Variants in COL13A1 observed in about 807,000 individuals in gnomAD.
The protein encoded by COL13A1 is collagen alpha-1(XIII) chain.
COL13A1 carries 89 observed loss-of-function variants against 130.9 expected under a neutral mutation model. The ratio of observed to expected loss-of-function variants is 0.68; its 90% CI spans 0.57 to 0.81. The LOEUF is 0.81. Ranked by LOEUF, COL13A1 falls within the 30% of genes least tolerant of loss-of-function variation. COL13A1 has a pLI of 0.00. For missense variants in COL13A1, 879 were observed against 934.6 expected (o/e 0.94, Z 0.78); for synonymous variants, 402 against 341.6 (o/e 1.18, Z -1.95).
rs1565076247 is a variant in COL13A1, at chr10:69,923,796, C to T, written c.1231-6C>T. ...GCCCTCATCCCAACTCTCTCCTCTT[C>T]CCCAGGGAGAAGCAGGTGTCGATGG... On this transcript the variant is annotated splice_polypyrimidine_tract_variant and splice_region_variant and intron_variant, in intron 23 of 40. Transcript: ENST00000645393. 6.2e-7 allele frequency: 1 copy of T among 1,609,084 alleles called. No homozygotes were observed. Among genetic ancestry groups the T allele is most frequent in the Non-Finnish European group, 8.5e-7 (1 of 1,178,058 alleles).
chr10:69,905,225 C>T lies in COL13A1; in HGVS notation c.885+266C>T, dbSNP rs151329971. On this transcript the variant is annotated intron_variant, in intron 16 of 40. Coordinates refer to ENST00000645393, the MANE Select transcript of COL13A1 (RefSeq NM_001368882.1). ...ACAGTCCACCCTCTAAGGAGTATAG[C>T]GTCTAGCTGGAAACTCTAAGCTCAT... 2.2e-4 allele frequency among the ~76,000 whole-genome samples: 34 copies of T among 152,318 alleles called. No individual in the cohort carries two copies. In the East Asian group the frequency reaches 4.2e-3, roughly 19 times the overall value.
chr10:69,853,909 G>A (rs1014711913), intron 2 of COL13A1, among the ~76,000 whole-genome samples: 13 of 152,176 alleles, frequency 8.5e-5, no homozygotes, highest in African/African-American at 2.9e-4. Context: ...GTGGGCATGG[G>A]GGATTATGGA....
chr10:69,821,730 T>C (rs1332458622), intron 1 of COL13A1, among the ~76,000 whole-genome samples: 1 of 152,208 alleles, frequency 6.6e-6, no homozygotes, highest in Non-Finnish European at 1.5e-5. Flanking sequence ...AGGGGAATCC[T>C]GCATGCATGG....
intron 2 of COL13A1, among the ~76,000 whole-genome samples, chr10:69,831,054 C>A (rs1303963908): frequency 6.6e-6 from 1 of 152,108 alleles, no homozygotes; most frequent in East Asian, 1.9e-4. Context: ...GCTTTTAAGC[C>A]TCTCTGAATG....
At chr10:69,823,269 C>T (rs1273217151) in intron 2 of COL13A1, among the ~76,000 whole-genome samples, 1 of 152,182 alleles carries the variant, frequency 6.6e-6, no homozygotes, top group African/African-American at 2.4e-5. Flanking sequence ...GTGCCTGTTA[C>T]TTTTCTAGGT....
intron 2 of COL13A1, among the ~76,000 whole-genome samples, chr10:69,862,643 A>C (rs149423440): frequency 6.6e-6 from 1 of 152,244 alleles, no homozygotes; most frequent in East Asian, 1.9e-4. Flanking sequence ...CTGCTCTTTG[A>C]GGCAGAGGCT....
chr10:69,852,239 A>G (rs1855074958), intron 2 of COL13A1, among the ~76,000 whole-genome samples: 1 of 152,178 alleles, frequency 6.6e-6, no homozygotes, highest in African/African-American at 2.4e-5. Flanking sequence ...AACTTCTCAT[A>G]GCAGTCATCA....
At chr10:69,832,282 C>A (rs1024492971) in intron 2 of COL13A1, among the ~76,000 whole-genome samples, 7 of 152,176 alleles carry the variant, frequency 4.6e-5, no homozygotes, top group African/African-American at 7.2e-5. Context: ...GAAAGGTATA[C>A]CCACCCTTAA....
chr10:69,875,078 C>A, intron 4 of COL13A1, 50 bp from the exon 5 acceptor site: 1 of 1,613,314 alleles, frequency 6.2e-7, no homozygotes, highest in Non-Finnish European at 8.5e-7. Context: ...CCTTCACATG[C>A]TAGCCTGGTT....
chr10:69,888,807 T>G (rs1057491099), intron 9 of COL13A1, among the ~76,000 whole-genome samples: 1 of 151,972 alleles, frequency 6.6e-6, no homozygotes, highest in East Asian at 1.9e-4. Flanking sequence ...CCACCATAGC[T>G]CCTCTCTTCG....
chr10:69,938,209 C>T (rs938979681), intron 34 of COL13A1, among the ~76,000 whole-genome samples: 5 of 152,188 alleles, frequency 3.3e-5, no homozygotes, highest in African/African-American at 1.2e-4. Flanking sequence ...CCGTTCATCT[C>T]CTGGGTTCGT....
chr10:69,831,278 G>A (rs55642895), intron 2 of COL13A1, among the ~76,000 whole-genome samples: 6,722 of 152,262 alleles, frequency 0.044, 197 homozygotes, highest in Non-Finnish European at 0.066. Flanking sequence ...AACCCTGCCA[G>A]GACCCAGACC....
chr10:69,917,449 C>A, intron 18 of COL13A1, 116 bp downstream of exon 18: 1 of 903,398 alleles, frequency 1.1e-6, no homozygotes, highest in Non-Finnish European at 1.7e-6. Context: ...CCTCCTTCTG[C>A]CTGCCCTGGT....
At position 69,880,505 on chromosome 10, in the gene COL13A1, G is replaced by C; in HGVS notation, c.465G>C (p.Gly155=). ...VGVKGQPGEK[G]SPGDAGLSII... is the part of the protein sequence containing the mutation. ...TCCCCCTTCCTCTCTCCCCGCAGGG[G>C]TCCCCCGGAGACGCTGGGCTGTCCA... Residue 155 remains glycine, a splice_region_variant and synonymous_variant, in exon 7 of 41, where the codon GGG becomes GGC. Transcript: ENST00000645393. 6.2e-7 allele frequency: 1 copy of C among 1,609,750 alleles called. No individual in the cohort carries two copies. The highest frequency in any genetic ancestry group is 8.5e-7 in the Non-Finnish European group (1 of 1,176,324).
At chr10:69,851,371 C>A (rs1854752514) in intron 2 of COL13A1, among the ~76,000 whole-genome samples, 1 of 152,182 alleles carries the variant, frequency 6.6e-6, no homozygotes, top group African/African-American at 2.4e-5. Flanking sequence ...GGGGAAAATG[C>A]CAAACTCCTC....
chr10:69,952,933 C>A lies in COL13A1; in HGVS notation c.2110C>A (p.Gln704Lys). 2 of 1,557,614 alleles carry A rather than the reference C, an allele frequency of 1.3e-6. No homozygotes were observed. The highest frequency in any genetic ancestry group is 2.5e-5 in the South Asian group (2 of 80,726). ...AGGGCCTAAAGGGGATAAGGGAGAC[C>A]AAGGAGCGCCTGGATTAGATGCCCC... is the stretch of plus-strand genomic sequence containing the variant. ...SRGPKGDKGD[Q>K]GAPGLDAPCP... The change falls in exon 39 of 41, where the codon CAA becomes AAA. Residue 704 changes from glutamine to lysine, a missense_variant. By Grantham distance (53) the Gln-to-Lys change is moderately conservative. This residue lies in a region of COL13A1 where 68 missense variants were observed against 65.8 expected (regional missense o/e 1.03). Coordinates refer to ENST00000645393, the MANE Select transcript of COL13A1 (RefSeq NM_001368882.1).
intron 6 of COL13A1, 46 bp from the exon 7 acceptor site, chr10:69,880,457 A>C (rs1589259936): frequency 5.5e-6 from 6 of 1,092,442 alleles, no homozygotes; most frequent in African/African-American, 3.1e-5. Context: ...TCTTCTCCAT[A>C]CCTCCCTGCC....
At chr10:69,854,246 A>G (rs1328116544) in intron 2 of COL13A1, among the ~76,000 whole-genome samples, 1 of 152,108 alleles carries the variant, frequency 6.6e-6, no homozygotes, top group Non-Finnish European at 1.5e-5. Context: ...CTCGTGCCAC[A>G]TGCTTAAGGC....
intron 2 of COL13A1, among the ~76,000 whole-genome samples, chr10:69,853,018 G>C (rs1054841390): frequency 5.6e-4 from 65 of 115,270 alleles, no homozygotes; most frequent in Non-Finnish European, 8.8e-4. Flanking sequence ...GCGGGGGAGC[G>C]GGGGGAGGTA....
Sources: gnomAD v4.1 joint callset for allele counts (sites outside exome capture counted in the v4.1 genomes callset) on GRCh38, gnomAD v4.1.1 for gene constraint, gnomAD v4.1.1 regional missense constraint, MANE v1.5 for transcripts, NCBI Gene and HGNC (gene_info 2026-07-23, HGNC 2026-07-21) for gene names.